The following FRMD4A variants were observed in gnomAD, a reference collection of about 807,000 sequenced individuals.
FRMD4A encodes FERM domain-containing protein 4A.
FRMD4A carries 29 observed loss-of-function variants against 129.1 expected under a neutral mutation model. The observed-to-expected ratio is 0.22, with a 90% CI of 0.17 to 0.31. The LOEUF (loss-of-function observed/expected upper bound fraction) is 0.31, where lower values mean the gene tolerates loss of function less well. FRMD4A is among the 10% of genes least tolerant of loss of function. The pLI is 1.00. For synonymous variants in FRMD4A, 634 were observed against 571.6 expected (o/e 1.11, Z -1.56); for missense variants, 1,272 against 1,375.8 (o/e 0.92, Z 1.19).
At chr10:14,279,431 G>A (rs1398170856) in intron 2 of FRMD4A, among the ~76,000 whole-genome samples, 6 of 151,792 alleles carry the variant, frequency 4.0e-5, no homozygotes, top group Admixed American at 2.0e-4. Context: ...ACTTCTGACC[G>A]CAAGTGATCC....
chr10:14,192,052 A>T (rs1842335564), intron 2 of FRMD4A, among the ~76,000 whole-genome samples: 1 of 152,182 alleles, frequency 6.6e-6, no homozygotes, highest in Non-Finnish European at 1.5e-5. Flanking sequence ...CAGAGTTGCT[A>T]ATAATCAACA....
intron 2 of FRMD4A, among the ~76,000 whole-genome samples, chr10:14,212,465 G>A (rs1276612362): frequency 6.6e-6 from 1 of 151,968 alleles, no homozygotes; most frequent in African/African-American, 2.4e-5. Flanking sequence ...CCCCTTAATG[G>A]AAAAGCAGAT....
chr10:13,904,992 C>CAAAGAAAAAAAAAAA (rs551011444), intron 2 of FRMD4A, among the ~76,000 whole-genome samples: 1 of 109,410 alleles, frequency 9.1e-6, no homozygotes, highest in African/African-American at 3.6e-5. Context: ...GACTCTATCT[C>CAAAGAAAAAAAAAAA]AAAAAAAAAA....
chr10:13,661,899 C>T (rs2082668262), intron 19 of FRMD4A, among the ~76,000 whole-genome samples: 1 of 152,180 alleles, frequency 6.6e-6, no homozygotes, highest in Non-Finnish European at 1.5e-5. Flanking sequence ...CAGCCGTGGA[C>T]ACCCACTATG....
intron 2 of FRMD4A, among the ~76,000 whole-genome samples, chr10:14,224,412 C>CA (rs1843367319): frequency 6.6e-6 from 1 of 152,226 alleles, no homozygotes; most frequent in Non-Finnish European, 1.5e-5. Context: ...CCTGTGAGAG[C>CA]ATAGCTGTGG....
At chr10:14,149,114 G>A (rs966405412) in intron 2 of FRMD4A, among the ~76,000 whole-genome samples, 1 of 151,992 alleles carries the variant, frequency 6.6e-6, no homozygotes, top group Non-Finnish European at 1.5e-5. Flanking sequence ...AAACTTTCTG[G>A]GCTGTACCTA....
intron 2 of FRMD4A, among the ~76,000 whole-genome samples, chr10:13,903,998 C>A (rs2094851328): frequency 6.6e-6 from 1 of 152,204 alleles, no homozygotes; most frequent in African/African-American, 2.4e-5. Flanking sequence ...GATTGCCTCC[C>A]TATCTAAAAT....
intron 2 of FRMD4A, among the ~76,000 whole-genome samples, chr10:14,200,321 T>G (rs1842598327): frequency 6.9e-6 from 1 of 145,682 alleles, no homozygotes; most frequent in Non-Finnish European, 1.6e-5. Flanking sequence ...AGACAGACTC[T>G]CACTCTGTCA....
intron 2 of FRMD4A, among the ~76,000 whole-genome samples, chr10:13,890,245 T>C (rs2094679128): frequency 1.3e-5 from 2 of 152,188 alleles, no homozygotes; most frequent in Non-Finnish European, 2.9e-5. Flanking sequence ...ATGAAATGTG[T>C]CTTCCTCTCC....
chr10:13,739,828 G>A (rs550383372), intron 11 of FRMD4A, among the ~76,000 whole-genome samples: 37 of 152,328 alleles, frequency 2.4e-4, no homozygotes, highest in African/African-American at 8.7e-4. Flanking sequence ...GGCCAGGCGC[G>A]GTGGCTCACG....
At chr10:14,119,995 CTTTTT>C (rs34292351) in intron 2 of FRMD4A, among the ~76,000 whole-genome samples, 1 of 131,222 alleles carries the variant, frequency 7.6e-6, no homozygotes. Context: ...ATGTCATCTG[CTTTTT>C]TTTTTTTTTT....
intron 2 of FRMD4A, among the ~76,000 whole-genome samples, chr10:14,128,699 G>T (rs1839063950): frequency 6.6e-6 from 1 of 152,178 alleles, no homozygotes; most frequent in Admixed American, 6.5e-5. Flanking sequence ...ATGAGAAAAT[G>T]CACGTGGTAA....
intron 2 of FRMD4A, among the ~76,000 whole-genome samples, chr10:14,291,140 A>G (rs994237872): frequency 1.3e-5 from 2 of 152,176 alleles, no homozygotes; most frequent in Non-Finnish European, 2.9e-5. Flanking sequence ...TTATAAAGAT[A>G]GAAAGAATGA....
At chr10:13,687,818 C>T (rs556831136) in intron 15 of FRMD4A, among the ~76,000 whole-genome samples, 15 of 152,314 alleles carry the variant, frequency 9.8e-5, no homozygotes, top group South Asian at 2.1e-4. Context: ...GGATTCAGGA[C>T]GCGGGTTCCA....
intron 12 of FRMD4A, among the ~76,000 whole-genome samples, chr10:13,722,847 G>A (rs558085694): frequency 1.2e-4 from 18 of 152,316 alleles, no homozygotes; most frequent in Non-Finnish European, 1.0e-4. Flanking sequence ...AGGTCACCAT[G>A]CTGGTTAGGT....
rs2093630019 is a variant in FRMD4A, at chr10:13,821,560, G to A, written c.112-10652C>T. ...GAACAGCAAAGCTGCCAACAACACTGCCCACCTGTCCCCGCCTGCAGCTGC... is the reference window on the plus strand; with the variant it reads ...GAACAGCAAAGCTGCCAACAACACTACCCACCTGTCCCCGCCTGCAGCTGC... On this transcript the variant is annotated intron_variant, in intron 3 of 24. Transcript: ENST00000357447. The surrounding 1 kb of genome is among the most constrained non-coding windows in gnomAD (Gnocchi z 4.3). Among the ~76,000 whole-genome samples the A allele has an allele frequency of 6.6e-6, 1 of 152,124 alleles. No individual in the cohort carries two copies. Among genetic ancestry groups the A allele is most frequent in the Admixed American group, 6.5e-5 (1 of 15,276 alleles).
rs1342267075 is a variant in FRMD4A at position 13,740,437 on chromosome 10, C to T, written c.614+75G>A. 6 of 964,394 alleles carry T rather than the reference C, an allele frequency of 6.2e-6. No individual in the cohort carries two copies. The East Asian group carries it at 1.2e-4, about 19-fold the overall frequency. The allele number at this position is 964,394 out of a possible 1,614,324, so 59.7% of individuals were successfully genotyped here. ...TCCCAGATATGTCTTTGGAGAGGAA[C>T]TGAACAATCCTGACATACGATATAT... On this transcript the variant is annotated intron_variant, in intron 10 of 24. Transcript: ENST00000357447.
At chr10:13,881,879 G>C (rs2094549789) in intron 2 of FRMD4A, among the ~76,000 whole-genome samples, 1 of 151,470 alleles carries the variant, frequency 6.6e-6, no homozygotes, top group Non-Finnish European at 1.5e-5. Context: ...AGTAAAGAAT[G>C]AGTAGGTGCG....
At chr10:13,707,236 T>A in intron 12 of FRMD4A, 123 bp from the exon 13 acceptor site, 1 of 779,316 alleles carries the variant, frequency 1.3e-6, no homozygotes, top group Non-Finnish European at 2.1e-6. Flanking sequence ...CCGTAGTCTG[T>A]GCCTCCTCCG....
Sources: allele counts gnomAD v4.1 joint callset (sites outside exome capture counted in the v4.1 genomes callset), GRCh38; gene constraint gnomAD v4.1.1; non-coding constraint Gnocchi (gnomAD v3.1); transcripts MANE v1.5; gene names NCBI Gene and HGNC (gene_info 2026-07-23, HGNC 2026-07-21).